ANKHD1: variants seen among roughly 807,000 people sequenced by gnomAD.
ANKHD1 encodes the protein ankyrin repeat and KH domain-containing protein 1.
ANKHD1 carries 31 observed loss-of-function variants against 230.5 expected under a neutral mutation model. That is an observed-to-expected ratio of 0.13 (90% CI 0.10 to 0.18). The LOEUF is 0.18. Among genes scored for constraint, ANKHD1 ranks in the 10% least tolerant of loss-of-function variants. ANKHD1 has a pLI of 1.00. For missense variants in ANKHD1, 2,256 were observed against 3,071.3 expected (o/e 0.73, Z 6.27); for synonymous variants, 1,074 against 1,117.6 (o/e 0.96, Z 0.78).
chr5:140,537,293 G>GT (rs1754129254), intron 30 of ANKHD1, 96 bp from the exon 31 acceptor site: 2 of 1,486,986 alleles, frequency 1.3e-6, no homozygotes, highest in Middle Eastern at 2.1e-4. Flanking sequence ...TATTCTTATA[G>GT]TTTTTTATAT....
In ANKHD1 at chr5:140,516,177, A is replaced by G. The variant is rs1483338140; in HGVS notation, c.4317+2698A>G. On this transcript the variant is annotated intron_variant, in intron 24 of 33. Coordinates refer to ENST00000360839, the MANE Select transcript of ANKHD1 (RefSeq NM_017747.3). The stretch of plus-strand genomic sequence containing the variant: ...GAAGCCTCAGGAGCCCATGCGATCA[A>G]CTGGAAGAAAGGGTATCAGCGATGG... 2.0e-5 allele frequency among the ~76,000 whole-genome samples: 3 copies of G among 152,226 alleles called. No individual in the cohort carries two copies. The East Asian group carries it at 5.8e-4, about 29-fold the overall frequency.
chr5:140,475,987 A>G (rs1750945158), intron 10 of ANKHD1, among the ~76,000 whole-genome samples: 1 of 152,228 alleles, frequency 6.6e-6, no homozygotes, highest in Non-Finnish European at 1.5e-5. Context: ...TGTTTATTTT[A>G]AACTATGACC....
rs1228527439 is a variant in ANKHD1, at chr5:140,528,746, C to T, written c.5800C>T (p.Pro1934Ser). The change falls in exon 29 of 34, where the codon CCT (proline) becomes TCT (serine). Residue 1934 changes from proline to serine, a missense_variant. By Grantham distance (74) the Pro-to-Ser change is moderately conservative. Around this residue, in one of 13 missense-constraint regions of ANKHD1, gnomAD observed 778 missense variants for 966.5 expected, o/e 0.80. Transcript: ENST00000360839. The part of the protein sequence containing the change: ...ESAGLATASC[P>S]ITVSSVVAAS... ...TGCTGGACTAGCTACTGCCAGTTGT[C>T]CTATCACTGTCTCTTCTGTAGTTGC... 3.7e-6 allele frequency: 6 copies of T among 1,614,176 alleles called. 1 individual carries two copies. The South Asian group carries it at 6.6e-5, about 18-fold the overall frequency.
At chr5:140,508,511 T>G (rs1752629487) in intron 20 of ANKHD1, among the ~76,000 whole-genome samples, 1 of 152,122 alleles carries the variant, frequency 6.6e-6, no homozygotes. Flanking sequence ...CCCAGGACTT[T>G]GGGAAGCCTA....
intron 7 of ANKHD1, among the ~76,000 whole-genome samples, chr5:140,450,373 G>T (rs753237085): frequency 6.7e-6 from 1 of 149,650 alleles, no homozygotes; most frequent in Non-Finnish European, 1.5e-5. Context: ...TTAGCTCACT[G>T]CAGCCTACCT....
intron 1 of ANKHD1, among the ~76,000 whole-genome samples, chr5:140,432,632 C>T (rs749366562): frequency 1.3e-5 from 2 of 152,158 alleles, no homozygotes; most frequent in Non-Finnish European, 2.9e-5. Flanking sequence ...CTATGTTTAA[C>T]TTTTGAAGAA....
In ANKHD1 at chr5:140,405,581, T is replaced by C. The variant is rs183186147; in HGVS notation, c.306+3308T>C. ...CAAAAAATACTCATGTAATTGGCAT[T>C]TGATGAATAATACTAAAATCCTCCG... is the stretch of plus-strand genomic sequence containing the variant. On this transcript the variant is annotated intron_variant, in intron 1 of 33. Transcript: ENST00000360839. Among the ~76,000 whole-genome samples, 236 of 152,308 alleles carry C rather than the reference T, an allele frequency of 1.5e-3. 4 individuals carry two copies. The Middle Eastern group carries it at 0.017, about 11-fold the overall frequency.
At chr5:140,511,253 A>G (rs139867533) in intron 22 of ANKHD1, among the ~76,000 whole-genome samples, 1,592 of 152,328 alleles carry the variant, frequency 0.01, 25 homozygotes, top group South Asian at 0.027. Flanking sequence ...AGACCTGCAT[A>G]ATAAGCTTCA....
At chr5:140,423,992 C>T (rs1772194190) in intron 1 of ANKHD1, among the ~76,000 whole-genome samples, 1 of 152,146 alleles carries the variant, frequency 6.6e-6, no homozygotes. Flanking sequence ...AAATCCTTCC[C>T]ATTTCGTAGA....
At chr5:140,533,758 A>T (rs1753943759) in intron 29 of ANKHD1, among the ~76,000 whole-genome samples, 1 of 140,642 alleles carries the variant, frequency 7.1e-6, no homozygotes, top group African/African-American at 2.7e-5. Context: ...CCTGAGTGAG[A>T]GAGCAAGACC....
intron 31 of ANKHD1, 200 bp downstream of exon 31, chr5:140,537,789 G>T: frequency 1.1e-6 from 1 of 949,836 alleles, no homozygotes; most frequent in Non-Finnish European, 1.5e-6. Flanking sequence ...AATACATAGA[G>T]TTAATCAGAA....
chr5:140,431,884 T>C (rs1221677745), intron 1 of ANKHD1, among the ~76,000 whole-genome samples: 1 of 152,218 alleles, frequency 6.6e-6, no homozygotes, highest in African/African-American at 2.4e-5. Flanking sequence ...CAAGCACTTA[T>C]GAATGTGCCA....
At chr5:140,469,579 C>T (rs1430914586) in intron 10 of ANKHD1, among the ~76,000 whole-genome samples, 4 of 151,818 alleles carry the variant, frequency 2.6e-5, no homozygotes, top group Non-Finnish European at 5.9e-5. Context: ...AAAGTTTTAG[C>T]GAACTATAGA....
At position 140,402,285 on chromosome 5, in the gene ANKHD1, G is replaced by C; in HGVS notation, c.306+12G>C. ...ACGAAGTGTCCGAGGTAAGGCTCCG[G>C]GACCCTCGCCTCCCACACATTGTGA... On this transcript the variant is annotated intron_variant, in intron 1 of 33. Coordinates refer to ENST00000360839, the MANE Select transcript of ANKHD1 (RefSeq NM_017747.3). 6.8e-7 allele frequency: 1 copy of C among 1,465,154 alleles called. No homozygotes were observed. The highest frequency in any genetic ancestry group is 9.0e-7 in the Non-Finnish European group (1 of 1,114,992). 90.8% of individuals were successfully genotyped at this position (1,465,154 alleles called of 1,614,324 possible). A position where few individuals can be genotyped will look rare whatever the true frequency, so the allele number is the denominator to read the frequency against.
intron 3 of ANKHD1, 55 bp downstream of exon 3, chr5:140,438,672 A>G (rs987353899): frequency 2.0e-6 from 3 of 1,474,522 alleles, no homozygotes; most frequent in African/African-American, 2.8e-5. Context: ...GATTTTGGGG[A>G]AGTAGCCAAT....
Position 140,478,790 on chromosome 5 carries a change from A to G in ANKHD1, c.1783-3790A>G, listed in dbSNP as rs146777001. ...CTCCCGAGTAGCTGGGATTACAGGC[A>G]TGCACCACCTTGCCCAGCTAATTTT... On this transcript the variant is annotated intron_variant, in intron 10 of 33. Coordinates refer to ENST00000360839, the MANE Select transcript of ANKHD1 (RefSeq NM_017747.3). 3.8e-3 allele frequency among the ~76,000 whole-genome samples: 570 copies of G among 150,918 alleles called. 7 individuals carry two copies. The highest frequency in any genetic ancestry group is 0.013 in the African/African-American group (554 of 41,108).
At chr5:140,417,149 C>T (rs1424318803) in intron 1 of ANKHD1, among the ~76,000 whole-genome samples, 2 of 151,748 alleles carry the variant, frequency 1.3e-5, no homozygotes, top group African/African-American at 4.8e-5. Flanking sequence ...CTTATTTTTT[C>T]CTGATTTATC....
At chr5:140,455,304 A>T (rs545443016) in intron 7 of ANKHD1, among the ~76,000 whole-genome samples, 228 of 152,322 alleles carry the variant, frequency 1.5e-3, no homozygotes, top group Non-Finnish European at 2.0e-3. Context: ...AGTTGGTACC[A>T]TCCCTTTTGA....
chr5:140,407,312 C>T (rs903569351), intron 1 of ANKHD1, among the ~76,000 whole-genome samples: 2 of 132,492 alleles, frequency 1.5e-5, no homozygotes, highest in Non-Finnish European at 3.3e-5. Context: ...AAAAAAAAAA[C>T]CACTTTAAAA....
Sources: allele counts gnomAD v4.1 joint callset (sites outside exome capture counted in the v4.1 genomes callset), GRCh38; gene constraint gnomAD v4.1.1; regional missense constraint gnomAD v4.1.1; transcripts MANE v1.5; gene names NCBI Gene and HGNC (gene_info 2026-07-23, HGNC 2026-07-21).